Variants in RAB10 observed in about 807,000 individuals in gnomAD.
RAB10 encodes the protein ras-related protein Rab-10.
In RAB10, 5 loss-of-function variants were observed where a neutral mutation model predicts 25.7. The ratio of observed to expected loss-of-function variants is 0.19; its 90% CI spans 0.10 to 0.41. RAB10 has a LOEUF of 0.41. Ranked by LOEUF, RAB10 falls within the 10% of genes least tolerant of loss-of-function variation. The pLI, the probability that RAB10 is intolerant of heterozygous loss-of-function variation, is 1.00. For synonymous variants in RAB10, 89 were observed against 86.4 expected, an observed-to-expected ratio of 1.03 and a Z score of -0.16; for missense variants, 103 against 245.8, an observed-to-expected ratio of 0.42 and a Z score of 3.89.
At chr2:26,078,570 T>C (rs894488894) in intron 1 of RAB10, among the ~76,000 whole-genome samples, 5 of 151,972 alleles carry the variant, frequency 3.3e-5, no homozygotes, top group Non-Finnish European at 7.4e-5. Context: ...AGGACTAGGG[T>C]GATTTCTGAG....
intron 5 of RAB10, among the ~76,000 whole-genome samples, chr2:26,131,977 A>G (rs561633552): frequency 2.6e-5 from 4 of 152,238 alleles, no homozygotes; most frequent in South Asian, 2.1e-4. Context: ...TCTTGTATTT[A>G]AATTATTTTC....
At chr2:26,071,356 A>T (rs1666622025) in intron 1 of RAB10, among the ~76,000 whole-genome samples, 1 of 152,204 alleles carries the variant, frequency 6.6e-6, no homozygotes, top group South Asian at 2.1e-4. Context: ...GAATGAAGTG[A>T]CAGTATTTGT....
chr2:26,045,389 G>A (rs1354443028), intron 1 of RAB10, among the ~76,000 whole-genome samples: 11 of 151,988 alleles, frequency 7.2e-5, no homozygotes, highest in Non-Finnish European at 1.2e-4. Flanking sequence ...ACAGGCGCCC[G>A]CCACCACGCC....
At chr2:26,119,427 A>G (rs1667758289) in intron 3 of RAB10, among the ~76,000 whole-genome samples, 1 of 152,124 alleles carries the variant, frequency 6.6e-6, no homozygotes, top group Non-Finnish European at 1.5e-5. Context: ...AATAAATTTT[A>G]AAAAGAGTTG....
chr2:26,095,897 G>A (rs762055341), intron 1 of RAB10, among the ~76,000 whole-genome samples: 11 of 152,270 alleles, frequency 7.2e-5, no homozygotes, highest in South Asian at 2.1e-4. Flanking sequence ...GTGACAGAGC[G>A]ACAGCCAGTC....
chr2:26,134,986 G>A lies in RAB10; in HGVS notation c.568G>A (p.Gly190Arg). Reference protein sequence around the residue: ...NSENVDISSGGGVTGWKSKCC With the variant: ...NSENVDISSGRGVTGWKSKCC ...TGAAAATGTAGATATCAGCAGTGGA[G>A]GAGGCGTGACAGGCTGGAAGAGCAA... The change falls in exon 6 of 6, where the codon GGA (glycine) becomes AGA (arginine). Residue 190 changes from glycine (G) to arginine (R), a missense_variant. Around this residue, in one of 2 missense-constraint regions of RAB10, gnomAD observed 24 missense variants for 28.0 expected, o/e 0.86. Coordinates refer to ENST00000264710, the MANE Select transcript of RAB10 (RefSeq NM_016131.5). 6.2e-7 allele frequency: 1 copy of A among 1,613,908 alleles called. No individual in the cohort carries two copies. The highest frequency in any genetic ancestry group is 8.5e-7 in the Non-Finnish European group (1 of 1,179,870).
At chr2:26,050,144 G>A (rs937106848) in intron 1 of RAB10, among the ~76,000 whole-genome samples, 1 of 152,092 alleles carries the variant, frequency 6.6e-6, no homozygotes, top group African/African-American at 2.4e-5. Flanking sequence ...TCATCCTATC[G>A]TAGCTTTTTG....
At chr2:26,129,235 A>G (rs1185252664) in intron 5 of RAB10, among the ~76,000 whole-genome samples, 2 of 148,386 alleles carry the variant, frequency 1.3e-5, no homozygotes, top group African/African-American at 5.1e-5. Context: ...ACGCCACTGC[A>G]TGCCAGCTTG....
chr2:26,125,434 C>CTT lies in RAB10; in HGVS notation c.328-1691_328-1690dup, dbSNP rs780945835. ...AATGTCTATTCAAATCCTTTGCTTG[C>CTT]TTTTTTTTTTTTTTTTTTTTAAATT... On this transcript the variant is annotated intron_variant, in intron 3 of 5. Transcript: ENST00000264710. 3.4e-3 allele frequency among the ~76,000 whole-genome samples: 406 copies of CTT among 118,862 alleles called. 1 individual carries two copies. Among genetic ancestry groups the CTT allele is most frequent in the Middle Eastern group, 8.3e-3 (2 of 242 alleles). 78.0% of individuals were successfully genotyped at this position (118,862 alleles called of 152,430 possible). A position where few individuals can be genotyped will look rare whatever the true frequency, so the allele number is the denominator to read the frequency against.
At chr2:26,057,433 T>TAA (rs779719282) in intron 1 of RAB10, among the ~76,000 whole-genome samples, 5 of 125,454 alleles carry the variant, frequency 4.0e-5, no homozygotes, top group Admixed American at 1.6e-4. Context: ...AGACAGTCTC[T>TAA]AAAAAAAAAA....
chr2:26,054,687 C>T (rs193248470), intron 1 of RAB10, among the ~76,000 whole-genome samples: 1 of 152,266 alleles, frequency 6.6e-6, no homozygotes, highest in East Asian at 1.9e-4. Context: ...TTCTAACCTG[C>T]AGGAAAGTTA....
chr2:26,071,273 A>G (rs1252224305), intron 1 of RAB10, among the ~76,000 whole-genome samples: 1 of 152,224 alleles, frequency 6.6e-6, no homozygotes, highest in East Asian at 1.9e-4. Flanking sequence ...ATAGAACATC[A>G]TTTATCCTTG....
intron 3 of RAB10, among the ~76,000 whole-genome samples, chr2:26,113,743 T>TAAAA (rs56063928): frequency 8.0e-5 from 10 of 125,582 alleles, no homozygotes; most frequent in East Asian, 2.3e-4. Flanking sequence ...CAGCCAGAGC[T>TAAAA]AAAAAAAAAA....
chr2:26,088,891 G>C (rs552527977), intron 1 of RAB10, among the ~76,000 whole-genome samples: 1 of 151,916 alleles, frequency 6.6e-6, no homozygotes, highest in Non-Finnish European at 1.5e-5. Flanking sequence ...CCAAAGTGCT[G>C]GGATTACAGG....
intron 1 of RAB10, among the ~76,000 whole-genome samples, chr2:26,083,705 G>T (rs1292980382): frequency 6.6e-6 from 1 of 152,076 alleles, no homozygotes; most frequent in East Asian, 1.9e-4. Context: ...CTTTAGTAGA[G>T]ACTGGGTTTT....
chr2:26,115,411 T>G (rs1051706029), intron 3 of RAB10, among the ~76,000 whole-genome samples: 4 of 152,112 alleles, frequency 2.6e-5, no homozygotes, highest in African/African-American at 9.7e-5. Context: ...ACTCAGCCAT[T>G]AAAAGGCATG....
intron 1 of RAB10, among the ~76,000 whole-genome samples, chr2:26,072,504 G>T (rs1438476959): frequency 8.6e-5 from 13 of 151,914 alleles, no homozygotes; most frequent in Admixed American, 8.5e-4. Flanking sequence ...TGCAACTAAT[G>T]TTTAAGAAAT....
intron 1 of RAB10, chr2:26,042,847 T>C: frequency 6.6e-6 from 1 of 151,276 alleles, no homozygotes; most frequent in Non-Finnish European, 1.5e-5. Flanking sequence ...CCAATAAACA[T>C]ATGGAAAGAT....
intron 1 of RAB10, among the ~76,000 whole-genome samples, chr2:26,075,341 T>C (rs1473463605): frequency 2.0e-5 from 3 of 152,180 alleles, no homozygotes; most frequent in African/African-American, 7.2e-5. Context: ...ACAGTCCTTA[T>C]CTCTTCCATT....
Sources: gnomAD v4.1 joint callset for allele counts (sites outside exome capture counted in the v4.1 genomes callset) on GRCh38, gnomAD v4.1.1 for gene constraint, gnomAD v4.1.1 regional missense constraint, MANE v1.5 for transcripts, NCBI Gene and HGNC (gene_info 2026-07-23, HGNC 2026-07-21) for gene names.